Variants in CNTN4 observed in about 807,000 individuals in gnomAD.
CNTN4 encodes the protein contactin 4.
CNTN4 carries 77 observed loss-of-function variants against 122.5 expected under a neutral mutation model. The ratio of observed to expected loss-of-function variants is 0.63; its 90% confidence interval spans 0.52 to 0.76. The LOEUF (loss-of-function observed/expected upper bound fraction) is 0.76, where lower values mean the gene tolerates loss of function less well. CNTN4 is among the 30% of genes least tolerant of loss of function. The probability of loss-of-function intolerance (pLI) is 0.00; values close to 1 mark genes in which losing one functional copy is unlikely to be tolerated. For missense variants in CNTN4, 1,256 were observed against 1,259.1 expected, an observed-to-expected ratio of 1.00 and a Z score of 0.04; for synonymous variants, 512 against 447.0, an observed-to-expected ratio of 1.15 and a Z score of -1.83.
intron 2 of CNTN4, among the ~76,000 whole-genome samples, chr3:2,118,272 A>T (rs994525052): frequency 2.0e-5 from 3 of 152,244 alleles, no homozygotes; most frequent in African/African-American, 7.2e-5. Flanking sequence ...ATCATATCAG[A>T]TCCCAGGTAT....
At chr3:2,566,822 G>A (rs13081043) in intron 3 of CNTN4, among the ~76,000 whole-genome samples, 31,355 of 152,072 alleles carry the variant, frequency 0.21, 3,571 homozygotes, top group Non-Finnish European at 0.26. Context: ...CTCAGTGTGC[G>A]TGAATCCGTG....
At chr3:2,614,719 T>C (rs12635496) in intron 4 of CNTN4, among the ~76,000 whole-genome samples, 69,397 of 151,736 alleles carry the variant, frequency 0.46, 16,553 homozygotes, top group Middle Eastern at 0.54. Context: ...ATTGAGAGTT[T>C]TGTTTTGGTC....
intron 12 of CNTN4, among the ~76,000 whole-genome samples, chr3:2,913,197 C>G (rs775794395): frequency 6.6e-6 from 1 of 151,856 alleles, no homozygotes; most frequent in East Asian, 1.9e-4. Context: ...AAATAAAAAT[C>G]GAGGAATAAA....
intron 3 of CNTN4, among the ~76,000 whole-genome samples, chr3:2,427,969 T>G (rs1014020828): frequency 1.3e-5 from 2 of 151,988 alleles, no homozygotes; most frequent in African/African-American, 4.8e-5. Flanking sequence ...GTGTGTCTCT[T>G]CACGTGAGAT....
chr3:2,572,725 G>A lies in CNTN4; in HGVS notation c.55+1167G>A, dbSNP rs556049220. 1.5e-3 allele frequency among the ~76,000 whole-genome samples: 225 copies of A among 152,288 alleles called. 1 individual carries two copies. Among genetic ancestry groups the A allele is most frequent in the African/African-American group, 5.1e-3 (213 of 41,558 alleles). Reference sequence around the variant, plus strand: ...CACTCAAATAATGTTACTGAGTACCGTGTCACAAGCCAGCCCTGTACTGGG... The same window carrying A: ...CACTCAAATAATGTTACTGAGTACCATGTCACAAGCCAGCCCTGTACTGGG... On this transcript the variant is annotated intron_variant, in intron 4 of 24. Coordinates refer to ENST00000418658, the MANE Select transcript of CNTN4 (RefSeq NM_175607.3).
At chr3:2,574,431 T>C (rs2079568188) in intron 4 of CNTN4, among the ~76,000 whole-genome samples, 2 of 152,124 alleles carry the variant, frequency 1.3e-5, no homozygotes. Flanking sequence ...GATCCAAATA[T>C]ACAAGCAGGC....
At chr3:3,008,126 C>A (rs138915259) in intron 14 of CNTN4, among the ~76,000 whole-genome samples, 2 of 152,176 alleles carry the variant, frequency 1.3e-5, no homozygotes, top group African/African-American at 4.8e-5. Flanking sequence ...GATAATGAGT[C>A]CTACTAAGAG....
chr3:2,340,710 T>TATATATATATAGAGAGAGAGAGAGAGAG, intron 3 of CNTN4, among the ~76,000 whole-genome samples: 15 of 18,302 alleles, frequency 8.2e-4, no homozygotes, highest in African/African-American at 1.0e-3. Flanking sequence ...TATATATATA[T>TATATATATATAGAGAGAGAGAGAGAGAG]AGAGAGAGAG....
intron 7 of CNTN4, among the ~76,000 whole-genome samples, chr3:2,830,812 C>T (rs1294361071): frequency 6.6e-6 from 1 of 152,146 alleles, no homozygotes; most frequent in African/African-American, 2.4e-5. Context: ...ACATTTTTAG[C>T]AATGAATAGG....
chr3:2,387,070 A>G (rs901865673), intron 3 of CNTN4, among the ~76,000 whole-genome samples: 12 of 152,214 alleles, frequency 7.9e-5, no homozygotes, highest in Non-Finnish European at 1.5e-4. Context: ...AATATCAGTT[A>G]TAGTCTACTA....
intron 4 of CNTN4, among the ~76,000 whole-genome samples, chr3:2,686,410 G>T (rs985935389): frequency 6.6e-6 from 1 of 151,832 alleles, no homozygotes; most frequent in Non-Finnish European, 1.5e-5. Flanking sequence ...CCCTACCCCC[G>T]ACACACACCC....
chr3:2,871,403 A>C (rs181446978), intron 8 of CNTN4, among the ~76,000 whole-genome samples: 1 of 152,198 alleles, frequency 6.6e-6, no homozygotes, highest in South Asian at 2.1e-4. Context: ...GTGGATAATG[A>C]CAGGGAAAAG....
At chr3:2,312,789 C>G (rs2042960691) in intron 2 of CNTN4, among the ~76,000 whole-genome samples, 1 of 151,856 alleles carries the variant, frequency 6.6e-6, no homozygotes, top group South Asian at 2.1e-4. Flanking sequence ...GTGTTTTAGG[C>G]CCTTTTGGAT....
chr3:2,449,254 T>C (rs2048735983), intron 3 of CNTN4, among the ~76,000 whole-genome samples: 1 of 152,206 alleles, frequency 6.6e-6, no homozygotes, highest in Non-Finnish European at 1.5e-5. Flanking sequence ...AAGTCATCTA[T>C]TAATGGGCAT....
intron 2 of CNTN4, among the ~76,000 whole-genome samples, chr3:2,184,637 T>C (rs2037164751): frequency 6.6e-6 from 1 of 151,960 alleles, no homozygotes; most frequent in African/African-American, 2.4e-5. Flanking sequence ...CCTTAGGAGG[T>C]GATAAAGTGC....
intron 3 of CNTN4, among the ~76,000 whole-genome samples, chr3:2,509,012 C>G (rs2076812470): frequency 6.6e-6 from 1 of 152,176 alleles, no homozygotes; most frequent in Non-Finnish European, 1.5e-5. Context: ...GTGCAAATCA[C>G]ATGATGGCAA....
chr3:2,472,061 C>A (rs1177595124), intron 3 of CNTN4, among the ~76,000 whole-genome samples: 1 of 148,738 alleles, frequency 6.7e-6, no homozygotes, highest in African/African-American at 2.5e-5. Flanking sequence ...ACTAAAAATA[C>A]AAAATTAGCC....
chr3:2,712,608 CCTGGCATATGATTTCTAAAATCTTT>C (rs1576541048), intron 4 of CNTN4, among the ~76,000 whole-genome samples: 7 of 152,262 alleles, frequency 4.6e-5, no homozygotes, highest in Admixed American at 2.0e-4. Flanking sequence ...CATGCCATGT[CCTGGCATATGATTTCTAAAATCTTT>C]GGAATCTCCA....
intron 14 of CNTN4, among the ~76,000 whole-genome samples, chr3:2,995,565 C>T (rs542997613): frequency 6.6e-6 from 1 of 152,312 alleles, no homozygotes; most frequent in South Asian, 2.1e-4. Context: ...CGTAGCAAAG[C>T]CTCTATGCTG....
Sources: allele counts gnomAD v4.1 joint callset (sites outside exome capture counted in the v4.1 genomes callset), GRCh38; gene constraint gnomAD v4.1.1; transcripts MANE v1.5; gene names NCBI Gene and HGNC (gene_info 2026-07-23, HGNC 2026-07-21).